The following CHRM2 variants were observed in gnomAD, a reference collection of about 807,000 sequenced individuals.
The protein encoded by CHRM2 is muscarinic acetylcholine receptor M2.
A neutral mutation model predicts 25.0 loss-of-function variants in CHRM2; 8 were observed. The observed-to-expected ratio is 0.32, with a 90% CI of 0.19 to 0.58. The LOEUF is 0.58. Among genes scored for constraint, CHRM2 ranks in the 20% least tolerant of loss-of-function variants. The pLI is 0.88. For synonymous variants in CHRM2, 202 were observed against 205.7 expected, an observed-to-expected ratio of 0.98 and a Z score of 0.15; for missense variants, 440 against 567.1, an observed-to-expected ratio of 0.78 and a Z score of 2.28.
chr7:137,001,823 A>C (rs1804054825), intron 3 of CHRM2, among the ~76,000 whole-genome samples: 1 of 152,294 alleles, frequency 6.6e-6, no homozygotes, highest in Admixed American at 6.5e-5. Flanking sequence ...GTTTTATAGT[A>C]GTCACCGTAT....
At position 137,015,659 on chromosome 7, in the gene CHRM2, C is replaced by T. The variant is rs1554437349; in HGVS notation, c.794C>T (p.Ala265Val). The change falls in exon 4 of 4, where the codon GCC becomes GTC. Residue 265 changes from alanine (A) to valine (V), a missense_variant. Around this residue, in one of 5 missense-constraint regions of CHRM2, gnomAD observed 261 missense variants for 261.8 expected, o/e 1.00. Coordinates refer to ENST00000680005, the MANE Select transcript of CHRM2 (RefSeq NM_001006630.2). The surrounding 1 kb of genome is among the most constrained non-coding windows in gnomAD (Gnocchi z 5.1). ...CACAACAAAATCCAGAATGGCAAAG[C>T]CCCCAGGGATCCTGTGACTGAAAAC... ...LEHNKIQNGK[A>V]PRDPVTENCV... 10 of 1,612,966 alleles carry T rather than the reference C, an allele frequency of 6.2e-6. No individual in the cohort carries two copies. In the East Asian group the frequency reaches 1.1e-4, roughly 18 times the overall value.
intron 2 of CHRM2, among the ~76,000 whole-genome samples, chr7:136,982,617 G>A (rs1249588884): frequency 6.6e-6 from 1 of 152,146 alleles, no homozygotes; most frequent in Non-Finnish European, 1.5e-5. Flanking sequence ...TCCTTCAGGA[G>A]CTCTTGTAAG....
At chr7:136,934,546 A>G (rs2130792433) in intron 2 of CHRM2, among the ~76,000 whole-genome samples, 2 of 152,176 alleles carry the variant, frequency 1.3e-5, no homozygotes, top group South Asian at 4.1e-4. Context: ...TGCCTTTTAG[A>G]ACTCCCTCTT....
At chr7:136,932,079 A>G (rs921439211) in intron 2 of CHRM2, among the ~76,000 whole-genome samples, 2 of 152,190 alleles carry the variant, frequency 1.3e-5, no homozygotes, top group Non-Finnish European at 2.9e-5. Context: ...ATTTGGTGGG[A>G]TAATGATAAT....
intron 2 of CHRM2, among the ~76,000 whole-genome samples, chr7:136,934,146 A>T (rs960132568): frequency 6.6e-6 from 1 of 152,130 alleles, no homozygotes; most frequent in African/African-American, 2.4e-5. Flanking sequence ...CAAATAAGTC[A>T]GGAAACCAAA....
chr7:137,015,104 A>T lies in CHRM2; in HGVS notation c.239A>T (p.Tyr80Phe), dbSNP rs776183369. 6.2e-7 allele frequency: 1 copy of T among 1,613,396 alleles called. No individual in the cohort carries two copies. The highest frequency in any genetic ancestry group is 8.5e-7 in the Non-Finnish European group (1 of 1,179,596). Residue 80 changes from tyrosine (Y) to phenylalanine (F), a missense_variant, in exon 4 of 4, where the codon TAC becomes TTC. Physicochemically the swap from Tyr to Phe is conservative, Grantham distance 22. Coordinates refer to ENST00000680005, the MANE Select transcript of CHRM2 (RefSeq NM_001006630.2). This position sits in a 1 kb window ranked among gnomAD's most constrained non-coding sequence, Gnocchi z 5.1. ...LIIGVFSMNLYTLYTVIGYWP... is the reference protein window; with the variant it reads ...LIIGVFSMNLFTLYTVIGYWP... The stretch of plus-strand genomic sequence containing the variant: ...ATAGGTGTTTTCTCCATGAACTTGT[A>T]CACCCTCTACACTGTGATTGGTTAC...
intron 2 of CHRM2, among the ~76,000 whole-genome samples, chr7:136,942,775 G>C (rs1226353395): frequency 6.6e-6 from 1 of 152,016 alleles, no homozygotes; most frequent in Non-Finnish European, 1.5e-5. Flanking sequence ...TTTTTCCCTT[G>C]CTTTGCTGGT....
intron 2 of CHRM2, among the ~76,000 whole-genome samples, chr7:136,983,502 GAGA>G (rs1046753915): frequency 5.0e-4 from 76 of 152,164 alleles, no homozygotes; most frequent in African/African-American, 1.7e-3. Flanking sequence ...TCCTGTGGAG[GAGA>G]AGAAGTGTGC....
Position 137,019,665 on chromosome 7 carries a change from G to A in CHRM2, c.*3399G>A, listed in dbSNP as rs188813058. The A allele has an allele frequency of 1.6e-4, 24 of 151,846 alleles. No individual in the cohort carries two copies. The East Asian group carries it at 4.3e-3, about 27-fold the overall frequency. 9.4% of individuals were successfully genotyped at this position (151,846 alleles called of 1,614,324 possible). A position where few individuals can be genotyped will look rare whatever the true frequency, so the allele number is the denominator to read the frequency against. On this transcript the variant is annotated 3_prime_UTR_variant, in exon 4 of 4. Transcript: ENST00000680005. ...ATGGAAAAAGTCTGTTCATTTCTTCGAAACAAGAAATGATTTTCCTTTTAC... is the reference window on the plus strand; with the variant it reads ...ATGGAAAAAGTCTGTTCATTTCTTCAAAACAAGAAATGATTTTCCTTTTAC...
intron 2 of CHRM2, among the ~76,000 whole-genome samples, chr7:136,919,117 T>C (rs575998643): frequency 9.9e-5 from 15 of 152,226 alleles, no homozygotes; most frequent in Non-Finnish European, 1.6e-4. Flanking sequence ...TAAGACATGT[T>C]ATAATATTTT....
chr7:136,939,242 A>G (rs937864660), intron 2 of CHRM2, among the ~76,000 whole-genome samples: 2 of 152,340 alleles, frequency 1.3e-5, no homozygotes, highest in East Asian at 3.9e-4. Context: ...TGATTTGGAA[A>G]TAATTACTAT....
intron 2 of CHRM2, among the ~76,000 whole-genome samples, chr7:136,961,794 G>A (rs967123833): frequency 2.0e-5 from 3 of 152,074 alleles, no homozygotes; most frequent in African/African-American, 7.2e-5. Context: ...AGAAGGAAAG[G>A]AAAGAGAAGG....
At chr7:136,951,994 T>C (rs1166812993) in intron 2 of CHRM2, among the ~76,000 whole-genome samples, 1 of 152,154 alleles carries the variant, frequency 6.6e-6, no homozygotes, top group African/African-American at 2.4e-5. Context: ...CAGGTTTAGA[T>C]TACTTCCCTG....
At chr7:136,992,119 C>T (rs1348238429) in intron 2 of CHRM2, 68 bp from the exon 3 acceptor site, 1 of 152,096 alleles carries the variant, frequency 6.6e-6, no homozygotes, top group East Asian at 1.9e-4. Context: ...CTAATATACT[C>T]CATTTTTCTG....
At chr7:137,000,607 A>G (rs1803967757) in intron 3 of CHRM2, among the ~76,000 whole-genome samples, 1 of 115,156 alleles carries the variant, frequency 8.7e-6, no homozygotes, top group Admixed American at 8.5e-5. Flanking sequence ...AAAAGCAAGT[A>G]AACCAAATAT....
intron 2 of CHRM2, among the ~76,000 whole-genome samples, chr7:136,912,069 A>G (rs530238783): frequency 6.6e-6 from 1 of 152,088 alleles, no homozygotes; most frequent in Admixed American, 6.6e-5. Context: ...TAAAAAGGTG[A>G]TTAAAAGACA....
chr7:136,973,339 T>G (rs1584856069), intron 2 of CHRM2, among the ~76,000 whole-genome samples: 2 of 74,410 alleles, frequency 2.7e-5, no homozygotes, highest in African/African-American at 1.2e-4. Flanking sequence ...GGTGACGGTG[T>G]TAGGGATGGT....
At chr7:136,906,369 G>C (rs912988340) in intron 2 of CHRM2, among the ~76,000 whole-genome samples, 27 of 150,642 alleles carry the variant, frequency 1.8e-4, no homozygotes, top group Non-Finnish European at 3.3e-4. Context: ...ATATATGTAT[G>C]TATTATATTT....
chr7:136,898,396 C>T (rs188745415), intron 2 of CHRM2, among the ~76,000 whole-genome samples: 1 of 151,964 alleles, frequency 6.6e-6, no homozygotes, highest in African/African-American at 2.4e-5. Flanking sequence ...GGAGCAATAA[C>T]CCATTTTTTG....
Sources: gnomAD v4.1 joint callset for allele counts (sites outside exome capture counted in the v4.1 genomes callset) on GRCh38, gnomAD v4.1.1 for gene constraint, gnomAD v4.1.1 regional missense constraint, Gnocchi (gnomAD v3.1) non-coding constraint, MANE v1.5 for transcripts, NCBI Gene and HGNC (gene_info 2026-07-23, HGNC 2026-07-21) for gene names.